Variants in VWA2 observed in about 807,000 individuals in gnomAD.
VWA2 encodes von Willebrand factor A domain containing 2, also known as von Willebrand factor A domain-containing protein 2.
In VWA2, 73 loss-of-function variants were observed where a neutral mutation model predicts 70.4. That is an observed-to-expected ratio of 1.04 (90% CI 0.86 to 1.26). The LOEUF (loss-of-function observed/expected upper bound fraction) is 1.26. Among genes scored for constraint, VWA2 ranks in the 50% most tolerant of loss-of-function variants. VWA2 has a pLI of 0.00. For synonymous variants in VWA2, 407 were observed against 423.3 expected, an observed-to-expected ratio of 0.96 and a Z score of 0.47; for missense variants, 1,011 against 998.5, an observed-to-expected ratio of 1.01 and a Z score of -0.17.
chr10:114,269,042 G>GTT (rs2037644462), intron 5 of VWA2, among the ~76,000 whole-genome samples: 1 of 152,134 alleles, frequency 6.6e-6, no homozygotes, highest in Non-Finnish European at 1.5e-5. Flanking sequence ...ACTTCTCAGA[G>GTT]GTCAAGCCAT....
At chr10:114,289,510 C>A (rs2039334602) in intron 12 of VWA2, 21 bp downstream of exon 12, 1 of 1,612,560 alleles carries the variant, frequency 6.2e-7, no homozygotes, top group African/African-American at 1.3e-5. Flanking sequence ...GAATCCACAC[C>A]CTCAGGGCTG....
chr10:114,291,087 C>G (rs567154607), intron 13 of VWA2, 131 bp from the exon 14 acceptor site: 327 of 1,052,950 alleles, frequency 3.1e-4, no homozygotes, highest in Admixed American at 2.1e-3. Context: ...GGTCTCTAAT[C>G]TGGCATCTTC....
rs747184301 is a variant in VWA2, at chr10:114,290,298, C to T, written c.2181C>T (p.Cys727=). 9.0e-6 allele frequency: 14 copies of T among 1,550,574 alleles called. No homozygotes were observed. Among genetic ancestry groups the T allele is most frequent in the South Asian group, 1.2e-5 (1 of 84,064 alleles). The part of the protein sequence containing the change: ...KPSPCMNEGS[C]VLQNGSYRCK... The stretch of plus-strand genomic sequence containing the variant: ...GCCCGTGCATGAATGAGGGCAGCTG[C>T]GTCCTGCAGAATGGGAGCTACCGCT... The change falls in exon 13 of 14, where the codon TGC becomes TGT. Residue 727 remains cysteine, a synonymous_variant. Transcript: ENST00000392982.
chr10:114,289,850 A>G lies in VWA2; in HGVS notation c.2122+361A>G, dbSNP rs568221222. ...GACAGAGCCCAGAGCAAACAGGGCC[A>G]GGCCAGCCCAAATCCAGTGACCTCC... is the stretch of plus-strand genomic sequence containing the variant. On this transcript the variant is annotated intron_variant, in intron 12 of 13. Transcript: ENST00000392982. 27 of 358,660 alleles carry G rather than the reference A, an allele frequency of 7.5e-5. No individual in the cohort carries two copies. In the South Asian group the frequency reaches 8.5e-4, roughly 11 times the overall value. 22.2% of individuals were successfully genotyped at this position (358,660 alleles called of 1,614,324 possible). A position where few individuals can be genotyped will look rare whatever the true frequency, so the allele number is the denominator to read the frequency against.
rs931750190 is a variant in VWA2, at chr10:114,292,885, T to C, written c.*1648T>C. Among the ~76,000 whole-genome samples, 12 of 152,084 alleles carry C rather than the reference T, an allele frequency of 7.9e-5. No individual in the cohort carries two copies. The highest frequency in any genetic ancestry group is 2.7e-4 in the African/African-American group (11 of 41,412). On this transcript the variant is annotated 3_prime_UTR_variant, in exon 14 of 14. Transcript: ENST00000392982. ...CATGCCTAGCTAATTTTTGTATTTTTAGTTAGAGACAGGGTTTCACCATGT... is the reference window on the plus strand; with the variant it reads ...CATGCCTAGCTAATTTTTGTATTTTCAGTTAGAGACAGGGTTTCACCATGT...
At chr10:114,270,452 A>G (rs898928583) in intron 5 of VWA2, among the ~76,000 whole-genome samples, 4 of 152,204 alleles carry the variant, frequency 2.6e-5, no homozygotes, top group Non-Finnish European at 4.4e-5. Flanking sequence ...AAATATTACC[A>G]GTTATCACTA....
chr10:114,270,400 C>T (rs962411465), intron 5 of VWA2, among the ~76,000 whole-genome samples: 1 of 152,208 alleles, frequency 6.6e-6, no homozygotes, highest in Non-Finnish European at 1.5e-5. Context: ...TATAGCTAAA[C>T]ATGGGTTGAG....
At chr10:114,268,717 C>G (rs1188665511) in intron 5 of VWA2, among the ~76,000 whole-genome samples, 1 of 141,778 alleles carries the variant, frequency 7.1e-6, no homozygotes, top group Non-Finnish European at 1.5e-5. Context: ...TTTTTTGAGA[C>G]GGAGTCTCGC....
chr10:114,262,616 G>A (rs2037469318), intron 5 of VWA2, among the ~76,000 whole-genome samples: 2 of 152,082 alleles, frequency 1.3e-5, no homozygotes, highest in African/African-American at 2.4e-5. Flanking sequence ...GCAAGCCTCT[G>A]TAGGTCTACC....
chr10:114,290,265 C>T lies in VWA2; in HGVS notation c.2148C>T (p.Cys716=). 2 of 1,550,596 alleles carry T rather than the reference C, an allele frequency of 1.3e-6. No homozygotes were observed. The highest frequency in any genetic ancestry group is 1.7e-6 in the Non-Finnish European group (2 of 1,146,974). The change falls in exon 13 of 14, where the codon TGC becomes TGT. Residue 716 remains cysteine, a synonymous_variant. Coordinates refer to ENST00000392982, the MANE Select transcript of VWA2 (RefSeq NM_001272046.2). ...CGEAKQPVNL[C]KPSPCMNEGS... Reference sequence around the variant, plus strand: ...AAGCCAAGCAGCCAGTCAACCTCTGCAAACCCAGCCCGTGCATGAATGAGG... The same window carrying T: ...AAGCCAAGCAGCCAGTCAACCTCTGTAAACCCAGCCCGTGCATGAATGAGG...
Position 114,272,897 on chromosome 10 carries a change from G to C in VWA2, c.529G>C (p.Gly177Arg), listed in dbSNP as rs1564725774. Residue 177 changes from glycine (G) to arginine (R), a missense_variant, in exon 6 of 14, where the codon GGT (glycine) becomes CGT (arginine). Transcript: ENST00000392982. ...ALPSKQLKERGVTVFAVGVRF... is the reference protein window; with the variant it reads ...ALPSKQLKERRVTVFAVGVRF... The stretch of plus-strand genomic sequence containing the variant: ...GCCATCCAAGCAGCTGAAGGAAAGG[G>C]GTGTCACTGTGTTTGCTGTGGGGGT... The C allele has an allele frequency of 1.2e-6, 2 of 1,613,486 alleles. No homozygotes were observed. Among genetic ancestry groups the C allele is most frequent in the South Asian group, 1.1e-5 (1 of 90,918 alleles).
At chr10:114,246,526 C>CAAAAAAAAAAAAAAAA (rs1564711772) in intron 1 of VWA2, 1 of 374,404 alleles carries the variant, frequency 2.7e-6, no homozygotes, top group Non-Finnish European at 4.6e-6. Context: ...AAAAAAAAAA[C>CAAAAAAAAAAAAAAAA]GAGTATCATG....
chr10:114,243,751 G>A (rs781698043), intron 1 of VWA2, among the ~76,000 whole-genome samples: 6 of 152,192 alleles, frequency 3.9e-5, no homozygotes, highest in Non-Finnish European at 7.4e-5. Flanking sequence ...TTAAAAAGTA[G>A]CTTTGTTTTG....
chr10:114,281,425 G>A (rs991079519), intron 8 of VWA2, among the ~76,000 whole-genome samples: 8 of 152,320 alleles, frequency 5.3e-5, no homozygotes, highest in East Asian at 3.9e-4. Context: ...GCTGTGTTCC[G>A]GTAATTATGT....
In VWA2 at chr10:114,255,047, G is replaced by A. The variant is rs1225954561; in HGVS notation, c.260G>A (p.Arg87Lys). ...GACGGTCTGGACATCAGCCCCGAGAGGGTGAGTGCAAGTCTTGTGGGTGTT... is the reference window on the plus strand; with the variant it reads ...GACGGTCTGGACATCAGCCCCGAGAAGGTGAGTGCAAGTCTTGTGGGTGTT... ...VCDGLDISPE[R>K]VRVGAFQFSS... Residue 87 changes from arginine (R) to lysine (K), a missense_variant and splice_region_variant, in exon 4 of 14, where the codon AGG becomes AAG. Arg to Lys is a conservative substitution (Grantham distance 26). Coordinates refer to ENST00000392982, the MANE Select transcript of VWA2 (RefSeq NM_001272046.2). The A allele has an allele frequency of 6.2e-7, 1 of 1,611,726 alleles. No homozygotes were observed. The highest frequency in any genetic ancestry group is 1.7e-5 in the Admixed American group (1 of 60,002).
At chr10:114,250,517 G>C (rs939596268) in intron 2 of VWA2, among the ~76,000 whole-genome samples, 20 of 152,206 alleles carry the variant, frequency 1.3e-4, no homozygotes, top group Admixed American at 1.3e-4. Context: ...TTGCACAGTG[G>C]CCTCTGGGAT....
chr10:114,269,970 C>T (rs1185364065), intron 5 of VWA2, among the ~76,000 whole-genome samples: 1 of 152,176 alleles, frequency 6.6e-6, no homozygotes, highest in Non-Finnish European at 1.5e-5. Flanking sequence ...CAGTTTAGAA[C>T]AGGAGTTGGC....
intron 6 of VWA2, among the ~76,000 whole-genome samples, chr10:114,273,360 G>A (rs1054260510): frequency 2.0e-5 from 3 of 152,168 alleles, no homozygotes; most frequent in Non-Finnish European, 4.4e-5. Flanking sequence ...AACTGGAGCT[G>A]TGGACGGTGC....
chr10:114,242,535 A>G (rs1342221531), intron 1 of VWA2, among the ~76,000 whole-genome samples: 2 of 151,490 alleles, frequency 1.3e-5, no homozygotes, highest in East Asian at 1.9e-4. Flanking sequence ...GTGCCTCTGC[A>G]TACCAGTGCA....
Sources: gnomAD v4.1 joint callset for allele counts (sites outside exome capture counted in the v4.1 genomes callset) on GRCh38, gnomAD v4.1.1 for gene constraint, MANE v1.5 for transcripts, NCBI Gene and HGNC (gene_info 2026-07-23, HGNC 2026-07-21) for gene names.